JADE1: variants seen among roughly 807,000 people sequenced by gnomAD.
The protein encoded by JADE1 is jade family PHD finger 1.
In JADE1, 14 loss-of-function variants were observed where a neutral mutation model predicts 81.8. That is an observed-to-expected ratio of 0.17 (90% CI 0.11 to 0.27). The LOEUF is 0.27. Ranked by LOEUF, JADE1 falls within the 10% of genes least tolerant of loss-of-function variation. The pLI is 1.00. For missense variants in JADE1, 690 were observed against 1,047.9 expected, an observed-to-expected ratio of 0.66 and a Z score of 4.71; for synonymous variants, 353 against 391.9, an observed-to-expected ratio of 0.90 and a Z score of 1.17.
intron 1 of JADE1, among the ~76,000 whole-genome samples, chr4:128,810,676 T>C (rs1267674911): frequency 7.5e-6 from 1 of 133,238 alleles, no homozygotes; most frequent in African/African-American, 2.9e-5. Flanking sequence ...CTGGCTCTTG[T>C]CACCGCGTCA....
rs72296886 is a variant in JADE1, at chr4:128,813,407, C to CTTTTTT, written c.-27+3545_-27+3550dup. ...TCTTAGTCTCATTTACTTACGGTCA[C>CTTTTTT]TTTTTTTTTTTTTTTTTTTTGTTCC... On this transcript the variant is annotated intron_variant, in intron 1 of 10. Coordinates refer to ENST00000226319, the MANE Select transcript of JADE1 (RefSeq NM_199320.4). Among the ~76,000 whole-genome samples the CTTTTTT allele has an allele frequency of 4.2e-4, 48 of 115,550 alleles. 2 individuals are homozygous for CTTTTTT. Among genetic ancestry groups the CTTTTTT allele is most frequent in the Admixed American group, 4.9e-4 (5 of 10,272 alleles). 75.8% of individuals were successfully genotyped at this position (115,550 alleles called of 152,430 possible).
At chr4:128,812,447 G>T (rs1726538730) in intron 1 of JADE1, among the ~76,000 whole-genome samples, 1 of 151,990 alleles carries the variant, frequency 6.6e-6, no homozygotes, top group Non-Finnish European at 1.5e-5. Flanking sequence ...ACCCCGGGGT[G>T]CCCCCCTTGC....
At chr4:128,830,136 A>G (rs1015652965) in intron 1 of JADE1, among the ~76,000 whole-genome samples, 2 of 151,534 alleles carry the variant, frequency 1.3e-5, no homozygotes, top group Non-Finnish European at 2.9e-5. Flanking sequence ...TCGGCCTCCC[A>G]AAGTGCAGGG....
chr4:128,851,090 C>T (rs552192135), intron 5 of JADE1, among the ~76,000 whole-genome samples: 1 of 152,294 alleles, frequency 6.6e-6, no homozygotes, highest in East Asian at 1.9e-4. Flanking sequence ...GCCACCATGC[C>T]TGGCTAATTT....
At chr4:128,864,910 A>T (rs1343995338) in intron 9 of JADE1, 1 of 152,266 alleles carries the variant, frequency 6.6e-6, no homozygotes, top group Non-Finnish European at 1.5e-5. Flanking sequence ...TTGGGAGCAC[A>T]CAACTTTAAG....
intron 4 of JADE1, 77 bp from the exon 5 acceptor site, chr4:128,848,903 C>T: frequency 2.1e-6 from 3 of 1,428,916 alleles, no homozygotes; most frequent in Non-Finnish European, 2.9e-6. Context: ...AAGAGGAAGA[C>T]ATTTGGGGCC....
intron 7 of JADE1, among the ~76,000 whole-genome samples, chr4:128,856,956 T>C (rs1306564558): frequency 6.6e-6 from 1 of 152,236 alleles, no homozygotes; most frequent in Admixed American, 6.5e-5. Context: ...TATATTTACT[T>C]ACCCTGTTGT....
chr4:128,862,333 T>C, intron 9 of JADE1, 108 bp downstream of exon 9: 1 of 1,517,336 alleles, frequency 6.6e-7, no homozygotes, highest in South Asian at 1.3e-5. Context: ...CTCAGACCCT[T>C]GTACACACCA....
intron 1 of JADE1, among the ~76,000 whole-genome samples, chr4:128,825,855 G>A (rs1397192755): frequency 6.6e-6 from 1 of 152,216 alleles, no homozygotes; most frequent in Non-Finnish European, 1.5e-5. Flanking sequence ...AGTGGGTAAA[G>A]CCTGTGTTTG....
intron 8 of JADE1, among the ~76,000 whole-genome samples, chr4:128,857,666 C>T (rs1175214087): frequency 6.6e-6 from 1 of 152,180 alleles, no homozygotes; most frequent in Non-Finnish European, 1.5e-5. Context: ...CTTTCACAGT[C>T]ACAGGGTAGT....
At chr4:128,863,906 A>G in intron 9 of JADE1, 2 of 985,474 alleles carry the variant, frequency 2.0e-6, no homozygotes, top group Non-Finnish European at 2.4e-6. Context: ...TCACCACAAA[A>G]TAAAAGTGTA....
intron 1 of JADE1, chr4:128,831,451 A>G (rs1728543154): frequency 5.3e-6 from 2 of 380,732 alleles, no homozygotes; most frequent in Non-Finnish European, 4.8e-6. Flanking sequence ...TTCCTGGAGT[A>G]GTTATAGTAA....
At chr4:128,850,261 C>T (rs1287651981) in intron 5 of JADE1, among the ~76,000 whole-genome samples, 3 of 148,220 alleles carry the variant, frequency 2.0e-5, no homozygotes, top group Admixed American at 6.8e-5. Flanking sequence ...TTCCTTGAGC[C>T]GGGATTGTGC....
chr4:128,860,907 G>A (rs904270810), intron 8 of JADE1, among the ~76,000 whole-genome samples: 2 of 152,178 alleles, frequency 1.3e-5, no homozygotes, highest in Non-Finnish European at 2.9e-5. Flanking sequence ...AGCCCTCCAT[G>A]CATCTGGTGA....
intron 5 of JADE1, among the ~76,000 whole-genome samples, chr4:128,849,661 C>G (rs570585940): frequency 6.6e-6 from 1 of 152,344 alleles, no homozygotes; most frequent in South Asian, 2.1e-4. Context: ...ACCTGGAGTT[C>G]TTTTTCCCTC....
chr4:128,867,836 C>A lies in JADE1; in HGVS notation c.1504-20C>A. 1 of 1,502,602 alleles carries A rather than the reference C, an allele frequency of 6.7e-7. No homozygotes were observed. Among genetic ancestry groups the A allele is most frequent in the African/African-American group, 1.4e-5 (1 of 72,648 alleles). 93.1% of individuals were successfully genotyped at this position (1,502,602 alleles called of 1,614,324 possible). ...TTATACTGTATTGCTTACTTAGAAT[C>A]TTTATTCTCTACATTCTAGGTTCGG... On this transcript the variant is annotated intron_variant, in intron 9 of 10. Transcript: ENST00000226319.
chr4:128,840,142 G>A (rs1378921874), intron 2 of JADE1, among the ~76,000 whole-genome samples: 1 of 152,172 alleles, frequency 6.6e-6, no homozygotes, highest in Non-Finnish European at 1.5e-5. Context: ...ATTTATGAAA[G>A]CAGTCCTAGG....
intron 1 of JADE1, among the ~76,000 whole-genome samples, chr4:128,819,770 T>G (rs28583676): frequency 0.02 from 3,087 of 152,326 alleles, 128 homozygotes; most frequent in African/African-American, 0.07. Context: ...ACATTTTCAG[T>G]TTTTGCTCTC....
chr4:128,809,958 G>A, intron 1 of JADE1, 81 bp downstream of exon 1: 1 of 156,172 alleles, frequency 6.4e-6, no homozygotes, highest in Non-Finnish European at 1.4e-5. Flanking sequence ...GGGTCCGTGT[G>A]CGCGTCCCGG....
Sources: allele counts gnomAD v4.1 joint callset (sites outside exome capture counted in the v4.1 genomes callset), GRCh38; gene constraint gnomAD v4.1.1; transcripts MANE v1.5; gene names NCBI Gene and HGNC (gene_info 2026-07-23, HGNC 2026-07-21).